MAGI1: variants seen among roughly 807,000 people sequenced by gnomAD.
MAGI1 encodes membrane associated guanylate kinase, WW and PDZ domain containing 1.
In MAGI1, 58 loss-of-function variants were observed where a neutral mutation model predicts 139.9. That is an observed-to-expected ratio of 0.41 (90% confidence interval 0.34 to 0.52). The LOEUF is 0.52. Ranked by LOEUF, MAGI1 falls within the 20% of genes least tolerant of loss-of-function variation. The pLI, the probability that MAGI1 is intolerant of heterozygous loss-of-function variation, is 0.12. For missense variants in MAGI1, 1,874 were observed against 1,901.6 expected, an observed-to-expected ratio of 0.99 and a Z score of 0.27; for synonymous variants, 812 against 737.9, an observed-to-expected ratio of 1.10 and a Z score of -1.63.
intron 1 of MAGI1, among the ~76,000 whole-genome samples, chr3:65,883,388 C>T (rs376616810): frequency 2.6e-5 from 4 of 152,106 alleles, no homozygotes; most frequent in East Asian, 1.9e-4. Context: ...TGAAACGCAA[C>T]CCTCAAGAAT....
chr3:65,770,135 T>C (rs1470799916), intron 1 of MAGI1, among the ~76,000 whole-genome samples: 1 of 152,176 alleles, frequency 6.6e-6, no homozygotes, highest in African/African-American at 2.4e-5. Context: ...AACTGCTCTG[T>C]CTGCTTACCA....
intron 1 of MAGI1, among the ~76,000 whole-genome samples, chr3:65,710,939 C>G (rs1024559622): frequency 7.2e-5 from 11 of 152,214 alleles, no homozygotes; most frequent in Non-Finnish European, 1.6e-4. Context: ...CGTCCTTGTT[C>G]TGTCCCCTAA....
intron 1 of MAGI1, among the ~76,000 whole-genome samples, chr3:65,650,261 T>C (rs2085506199): frequency 1.3e-5 from 2 of 152,212 alleles, no homozygotes; most frequent in Non-Finnish European, 2.9e-5. Context: ...CTTGTCTTTA[T>C]AAATTGCCTA....
At chr3:65,629,865 G>A (rs532740719) in intron 1 of MAGI1, among the ~76,000 whole-genome samples, 1 of 152,182 alleles carries the variant, frequency 6.6e-6, no homozygotes, top group Admixed American at 6.5e-5. Flanking sequence ...GGCGGTGACG[G>A]ATGCACAACA....
intron 1 of MAGI1, among the ~76,000 whole-genome samples, chr3:65,656,581 G>A (rs1015435350): frequency 5.2e-5 from 7 of 133,564 alleles, no homozygotes; most frequent in Admixed American, 1.6e-4. Flanking sequence ...ATCTTTTAGA[G>A]CAAACTTCTT....
chr3:65,638,995 C>T (rs1482354072), intron 1 of MAGI1, among the ~76,000 whole-genome samples: 1 of 152,070 alleles, frequency 6.6e-6, no homozygotes, highest in Non-Finnish European at 1.5e-5. Flanking sequence ...GCGATTCTCC[C>T]GCCTTGGCCT....
At chr3:65,791,046 G>A (rs2039731660) in intron 1 of MAGI1, among the ~76,000 whole-genome samples, 1 of 152,056 alleles carries the variant, frequency 6.6e-6, no homozygotes, top group Non-Finnish European at 1.5e-5. Flanking sequence ...CTGCACTCCA[G>A]CCTGGGCAAC....
chr3:65,583,513 A>G (rs2081535168), intron 2 of MAGI1, among the ~76,000 whole-genome samples: 1 of 152,126 alleles, frequency 6.6e-6, no homozygotes, highest in Non-Finnish European at 1.5e-5. Flanking sequence ...GATTCTAAGA[A>G]TGATATTTCT....
chr3:65,427,594 T>C (rs1314897025), intron 12 of MAGI1, among the ~76,000 whole-genome samples: 1 of 152,160 alleles, frequency 6.6e-6, no homozygotes, highest in African/African-American at 2.4e-5. Flanking sequence ...CAAGAATTAT[T>C]TGAAAGTTTC....
intron 22 of MAGI1, 37 bp downstream of exon 22, chr3:65,361,162 C>T: frequency 6.2e-7 from 1 of 1,613,986 alleles, no homozygotes; most frequent in Non-Finnish European, 8.5e-7. Context: ...TGGAGTCATG[C>T]CAGGGAAGGA....
intron 2 of MAGI1, among the ~76,000 whole-genome samples, chr3:65,576,448 G>C (rs568478827): frequency 9.9e-5 from 15 of 152,160 alleles, no homozygotes; most frequent in African/African-American, 3.1e-4. Flanking sequence ...AAAGATTCCA[G>C]CTCTAACAGG....
At chr3:65,592,685 A>T (rs2082022255) in intron 2 of MAGI1, among the ~76,000 whole-genome samples, 1 of 152,202 alleles carries the variant, frequency 6.6e-6, no homozygotes. Context: ...ACACACGCAC[A>T]TGCAGTTACT....
chr3:65,855,249 T>C (rs2059335807), intron 1 of MAGI1, among the ~76,000 whole-genome samples: 1 of 151,662 alleles, frequency 6.6e-6, no homozygotes, highest in East Asian at 2.0e-4. Flanking sequence ...AATGTTTGCT[T>C]TGAGATCCGC....
At chr3:65,703,553 T>C (rs943215340) in intron 1 of MAGI1, among the ~76,000 whole-genome samples, 2 of 152,214 alleles carry the variant, frequency 1.3e-5, no homozygotes, top group African/African-American at 4.8e-5. Context: ...CCTGAGCTCC[T>C]CCCAGAAATC....
rs572725672 is a variant in MAGI1 at position 65,389,441 on chromosome 3, ATGTGTACTGTAT to A, written c.2416+1689_2416+1700del. ...TTCATACAGGAAAACTCAATCATAA[ATGTGTACTGTAT>A]TGAGGAGAGCAGGAGTTCGGTCAAT... On this transcript the variant is annotated intron_variant, in intron 14 of 22. Transcript: ENST00000402939. Among the ~76,000 whole-genome samples the A allele has an allele frequency of 7.2e-5, 11 of 152,270 alleles. No individual in the cohort carries two copies. The South Asian group carries it at 2.3e-3, about 32-fold the overall frequency.
At chr3:65,734,494 A>AG (rs1268906221) in intron 1 of MAGI1, among the ~76,000 whole-genome samples, 26 of 151,046 alleles carry the variant, frequency 1.7e-4, no homozygotes, top group African/African-American at 5.8e-4. Flanking sequence ...AAAGAAAGAG[A>AG]GAAAGAGGAA....
intron 8 of MAGI1, among the ~76,000 whole-genome samples, chr3:65,441,808 A>G (rs1390084640): frequency 6.6e-6 from 1 of 152,188 alleles, no homozygotes; most frequent in Non-Finnish European, 1.5e-5. Flanking sequence ...GGCCAAGGAC[A>G]CTTGCTATAT....
At chr3:65,672,387 T>G (rs2086915320) in intron 1 of MAGI1, among the ~76,000 whole-genome samples, 2 of 152,344 alleles carry the variant, frequency 1.3e-5, no homozygotes, top group East Asian at 3.9e-4. Context: ...AAGGAGAAAC[T>G]GCTGATGATA....
chr3:65,981,515 A>C (rs1294076818), intron 1 of MAGI1, among the ~76,000 whole-genome samples: 1 of 152,184 alleles, frequency 6.6e-6, no homozygotes, highest in Non-Finnish European at 1.5e-5. Flanking sequence ...ATAGCCCCTC[A>C]CAGACTTATA....
Sources: gnomAD v4.1 joint callset for allele counts (sites outside exome capture counted in the v4.1 genomes callset) on GRCh38, gnomAD v4.1.1 for gene constraint, MANE v1.5 for transcripts, NCBI Gene and HGNC (gene_info 2026-07-23, HGNC 2026-07-21) for gene names.